MAML2: variants seen among roughly 807,000 people sequenced by gnomAD.
The protein encoded by MAML2 is mastermind like transcriptional coactivator 2, also known as mastermind-like protein 2.
Under a neutral mutation model 96.1 loss-of-function variants are expected in MAML2, and 22 were observed. The observed-to-expected ratio is 0.23, with a 90% confidence interval of 0.16 to 0.33. The LOEUF (loss-of-function observed/expected upper bound fraction) is 0.33, where lower values mean the gene tolerates loss of function less well. MAML2 is among the 10% of genes least tolerant of loss of function. The probability of loss-of-function intolerance (pLI) is 1.00; values close to 1 mark genes in which losing one functional copy is unlikely to be tolerated. For synonymous variants in MAML2, 561 were observed against 521.3 expected, an observed-to-expected ratio of 1.08 and a Z score of -1.04; for missense variants, 1,367 against 1,392.4, an observed-to-expected ratio of 0.98 and a Z score of 0.29.
At chr11:96,045,771 A>G (rs959346618) in intron 2 of MAML2, among the ~76,000 whole-genome samples, 1 of 152,218 alleles carries the variant, frequency 6.6e-6, no homozygotes, top group Non-Finnish European at 1.5e-5. Flanking sequence ...TGTAGAGCCT[A>G]GAAGATAAAT....
chr11:95,991,029 T>C (rs1857901582), intron 3 of MAML2, among the ~76,000 whole-genome samples: 1 of 151,094 alleles, frequency 6.6e-6, no homozygotes. Context: ...ACAGTGCAAA[T>C]GGGAAATGTA....
intron 1 of MAML2, among the ~76,000 whole-genome samples, chr11:96,151,634 G>A (rs1020783258): frequency 2.0e-5 from 3 of 152,118 alleles, no homozygotes; most frequent in Non-Finnish European, 2.9e-5. Flanking sequence ...CTCACATCTG[G>A]TTGTCTAAAA....
chr11:96,278,594 G>A (rs1403209179), intron 1 of MAML2, among the ~76,000 whole-genome samples: 2 of 152,150 alleles, frequency 1.3e-5, no homozygotes, highest in African/African-American at 2.4e-5. Context: ...GATCACACAG[G>A]CTTTCCTAAT....
intron 1 of MAML2, among the ~76,000 whole-genome samples, chr11:96,250,855 T>C (rs1862572344): frequency 6.6e-6 from 1 of 152,188 alleles, no homozygotes; most frequent in Admixed American, 6.5e-5. Flanking sequence ...TACAAACTCT[T>C]TTCTTCATAT....
At chr11:96,331,261 T>A (rs990416964) in intron 1 of MAML2, among the ~76,000 whole-genome samples, 1 of 151,928 alleles carries the variant, frequency 6.6e-6, no homozygotes, top group African/African-American at 2.4e-5. Flanking sequence ...CAGAGTGAGA[T>A]CCTGTTTCAA....
chr11:96,156,551 C>T (rs1861014267), intron 1 of MAML2, among the ~76,000 whole-genome samples: 1 of 152,184 alleles, frequency 6.6e-6, no homozygotes, highest in African/African-American at 2.4e-5. Context: ...CCAGTGACCA[C>T]TCATGCTTCC....
chr11:96,038,540 C>G (rs758347795), intron 2 of MAML2, among the ~76,000 whole-genome samples: 1 of 152,254 alleles, frequency 6.6e-6, no homozygotes, highest in Non-Finnish European at 1.5e-5. Context: ...GTGCTAGGCA[C>G]TTAAGCCCTA....
At chr11:96,320,457 G>C (rs1863685009) in intron 1 of MAML2, among the ~76,000 whole-genome samples, 1 of 152,178 alleles carries the variant, frequency 6.6e-6, no homozygotes, top group African/African-American at 2.4e-5. Context: ...AGCACATTTT[G>C]CTGACTCTGG....
chr11:96,007,534 A>T (rs1858202902), intron 2 of MAML2, among the ~76,000 whole-genome samples: 1 of 152,100 alleles, frequency 6.6e-6, no homozygotes, highest in African/African-American at 2.4e-5. Flanking sequence ...TCAATTGTTT[A>T]TTTACATGTA....
chr11:96,191,039 T>G (rs1465505384), intron 1 of MAML2, among the ~76,000 whole-genome samples: 1 of 152,208 alleles, frequency 6.6e-6, no homozygotes, highest in Non-Finnish European at 1.5e-5. Context: ...GAAGGAGGAT[T>G]GCCAAACTGA....
chr11:96,261,183 T>C (rs1191339462), intron 1 of MAML2, among the ~76,000 whole-genome samples: 1 of 152,022 alleles, frequency 6.6e-6, no homozygotes, highest in Admixed American at 6.5e-5. Flanking sequence ...TGGGTTATGA[T>C]GGGAGGGGAA....
intron 1 of MAML2, among the ~76,000 whole-genome samples, chr11:96,185,977 C>G (rs1215584430): frequency 6.6e-6 from 1 of 152,158 alleles, no homozygotes; most frequent in Non-Finnish European, 1.5e-5. Context: ...ACTCCCAGCC[C>G]CTCCCCAGAC....
intron 1 of MAML2, among the ~76,000 whole-genome samples, chr11:96,281,441 A>C (rs1357506401): frequency 6.6e-6 from 1 of 152,144 alleles, no homozygotes; most frequent in African/African-American, 2.4e-5. Context: ...ATGGGGCTGC[A>C]AAAGGCTGGC....
chr11:96,204,553 A>G (rs929782011), intron 1 of MAML2, among the ~76,000 whole-genome samples: 1 of 152,238 alleles, frequency 6.6e-6, no homozygotes, highest in Admixed American at 6.5e-5. Flanking sequence ...TGTATTCAAG[A>G]TAATAAAGAG....
At chr11:96,187,933 C>G (rs1861597219) in intron 1 of MAML2, among the ~76,000 whole-genome samples, 1 of 152,246 alleles carries the variant, frequency 6.6e-6, no homozygotes, top group African/African-American at 2.4e-5. Context: ...GACTCCAGCA[C>G]TGTGCATACT....
intron 1 of MAML2, among the ~76,000 whole-genome samples, chr11:96,167,903 A>T (rs932430239): frequency 6.6e-6 from 1 of 152,192 alleles, no homozygotes; most frequent in Non-Finnish European, 1.5e-5. Flanking sequence ...TTCTGTTCAT[A>T]CATTATCATA....
At chr11:96,212,989 CAT>C (rs1277657551) in intron 1 of MAML2, among the ~76,000 whole-genome samples, 3 of 152,156 alleles carry the variant, frequency 2.0e-5, no homozygotes, top group Non-Finnish European at 4.4e-5. Flanking sequence ...GAATGGGTAA[CAT>C]AAACTCTATG....
intron 1 of MAML2, among the ~76,000 whole-genome samples, chr11:96,273,014 C>A (rs1000588556): frequency 1.3e-5 from 2 of 152,204 alleles, no homozygotes; most frequent in African/African-American, 4.8e-5. Flanking sequence ...ATTTATTCAG[C>A]CCCTACTATA....
At chr11:96,282,376 T>C (rs1048396661) in intron 1 of MAML2, among the ~76,000 whole-genome samples, 2 of 152,062 alleles carry the variant, frequency 1.3e-5, no homozygotes, top group Admixed American at 6.6e-5. Flanking sequence ...GCAATTTGAG[T>C]GGATTTAAAT....
Sources: allele counts gnomAD v4.1 joint callset (sites outside exome capture counted in the v4.1 genomes callset), GRCh38; gene constraint gnomAD v4.1.1; transcripts MANE v1.5; gene names NCBI Gene and HGNC (gene_info 2026-07-23, HGNC 2026-07-21).